Variants in AIG1 observed in about 807,000 individuals in gnomAD.
AIG1 encodes androgen-induced gene 1 protein.
In AIG1, 23 loss-of-function variants were observed where a neutral mutation model predicts 31.4. That is an observed-to-expected ratio of 0.73 (90% confidence interval 0.53 to 1.04). The LOEUF (loss-of-function observed/expected upper bound fraction) is 1.04. Among genes scored for constraint, AIG1 ranks in the 50% least tolerant of loss-of-function variants. The probability of loss-of-function intolerance (pLI) is 0.00; values close to 1 mark genes in which losing one functional copy is unlikely to be tolerated. For missense variants in AIG1, 274 were observed against 295.0 expected, an observed-to-expected ratio of 0.93 and a Z score of 0.52; for synonymous variants, 100 against 110.5, an observed-to-expected ratio of 0.90 and a Z score of 0.60.
chr6:143,184,626 A>G (rs1789059949), intron 3 of AIG1, among the ~76,000 whole-genome samples: 2 of 152,114 alleles, frequency 1.3e-5, no homozygotes, highest in South Asian at 4.1e-4. Flanking sequence ...CAGCTTCCTC[A>G]TGTCCACCAT....
At chr6:143,236,929 C>A (rs151161146) in intron 3 of AIG1, among the ~76,000 whole-genome samples, 22 of 152,236 alleles carry the variant, frequency 1.4e-4, no homozygotes, top group African/African-American at 5.3e-4. Flanking sequence ...GTTTTATGTT[C>A]ATGATTCCAT....
chr6:143,320,510 A>G (rs1776121510), intron 4 of AIG1, among the ~76,000 whole-genome samples: 1 of 152,246 alleles, frequency 6.6e-6, no homozygotes. Flanking sequence ...ATAGAATGGA[A>G]TGTTATTCAG....
intron 3 of AIG1, among the ~76,000 whole-genome samples, chr6:143,271,899 TG>T (rs1389547075): frequency 6.6e-6 from 1 of 152,216 alleles, no homozygotes; most frequent in African/African-American, 2.4e-5. Flanking sequence ...AAATTGCAAG[TG>T]TTTTTTTCTC....
chr6:143,320,577 C>T (rs1776124836), intron 4 of AIG1, among the ~76,000 whole-genome samples: 1 of 152,076 alleles, frequency 6.6e-6, no homozygotes, highest in Admixed American at 6.6e-5. Flanking sequence ...GCCGAAATGA[C>T]ATTATTCTGA....
intron 2 of AIG1, among the ~76,000 whole-genome samples, chr6:143,160,656 G>T (rs553158716): frequency 6.6e-6 from 1 of 152,222 alleles, no homozygotes; most frequent in Non-Finnish European, 1.5e-5. Context: ...CTGTCCAAGA[G>T]AAACTATTTT....
chr6:143,111,313 G>T (rs1562386720), intron 1 of AIG1, among the ~76,000 whole-genome samples: 1 of 152,090 alleles, frequency 6.6e-6, no homozygotes, highest in Non-Finnish European at 1.5e-5. Flanking sequence ...CCTCATAATT[G>T]CCAGATTCAG....
At chr6:143,108,636 C>T (rs1439908659) in intron 1 of AIG1, among the ~76,000 whole-genome samples, 5 of 152,104 alleles carry the variant, frequency 3.3e-5, no homozygotes, top group Admixed American at 2.6e-4. Flanking sequence ...CGCCAGTTTT[C>T]AACAGACACA....
chr6:143,247,987 G>C (rs1794732526), intron 3 of AIG1, among the ~76,000 whole-genome samples: 2 of 152,172 alleles, frequency 1.3e-5, no homozygotes, highest in Non-Finnish European at 2.9e-5. Context: ...TCTCATGGAT[G>C]AAGTACTAAT....
At chr6:143,252,876 A>G (rs73594139) in intron 3 of AIG1, among the ~76,000 whole-genome samples, 7,875 of 152,236 alleles carry the variant, frequency 0.052, 509 homozygotes, top group African/African-American at 0.15. Context: ...ATCTGCTTCC[A>G]AGTGCACATG....
intron 3 of AIG1, among the ~76,000 whole-genome samples, chr6:143,259,967 T>C (rs1468431781): frequency 6.6e-6 from 1 of 151,904 alleles, no homozygotes; most frequent in African/African-American, 2.4e-5. Context: ...CAAAGCTGCA[T>C]TGGAGAAGGG....
chr6:143,072,889 A>G (rs1272441548), intron 1 of AIG1, among the ~76,000 whole-genome samples: 2 of 152,198 alleles, frequency 1.3e-5, no homozygotes, highest in African/African-American at 4.8e-5. Context: ...AAGAGCCACT[A>G]AAAGCCACTT....
At chr6:143,097,110 A>G (rs1779864277) in intron 1 of AIG1, among the ~76,000 whole-genome samples, 1 of 152,162 alleles carries the variant, frequency 6.6e-6, no homozygotes, top group Non-Finnish European at 1.5e-5. Flanking sequence ...TAGAAAGGGA[A>G]TAGCCCTGTA....
At chr6:143,104,844 T>C (rs950952612) in intron 1 of AIG1, among the ~76,000 whole-genome samples, 1 of 151,544 alleles carries the variant, frequency 6.6e-6, no homozygotes, top group African/African-American at 2.4e-5. Context: ...TTCAAGACTT[T>C]GATGTGATGC....
chr6:143,220,356 T>G (rs1318777065), intron 3 of AIG1, among the ~76,000 whole-genome samples: 1 of 152,208 alleles, frequency 6.6e-6, no homozygotes, highest in South Asian at 2.1e-4. Flanking sequence ...TGTGAACCCA[T>G]AGAGAAGAGA....
In AIG1 at chr6:143,301,368, G is replaced by T. The variant is rs115581695; in HGVS notation, c.515+17143G>T. Among the ~76,000 whole-genome samples the T allele has an allele frequency of 4.1e-3, 628 of 152,292 alleles. 8 individuals carry two copies. The highest frequency in any genetic ancestry group is 0.015 in the African/African-American group (607 of 41,552). On this transcript the variant is annotated intron_variant, in intron 4 of 5. Coordinates refer to ENST00000357847, the MANE Select transcript of AIG1 (RefSeq NM_016108.4). ...CAAAGGCCATCAGGTAGGTTTCCAT[G>T]GTAGCAGTCTTTCTTTTGTTATTCA...
At chr6:143,272,941 C>T (rs1194194260) in intron 3 of AIG1, among the ~76,000 whole-genome samples, 5 of 152,230 alleles carry the variant, frequency 3.3e-5, no homozygotes, top group South Asian at 2.1e-4. Flanking sequence ...CCAGCCTGGC[C>T]AACATGGTGA....
chr6:143,066,463 G>A (rs1340534918), intron 1 of AIG1, among the ~76,000 whole-genome samples: 4 of 152,138 alleles, frequency 2.6e-5, no homozygotes, highest in East Asian at 3.9e-4. Context: ...AGTAGAGACA[G>A]GGTTTTACTA....
intron 3 of AIG1, among the ~76,000 whole-genome samples, chr6:143,252,982 A>G (rs1034657077): frequency 2.6e-5 from 4 of 152,176 alleles, no homozygotes; most frequent in African/African-American, 7.2e-5. Flanking sequence ...AGTTCTTGCT[A>G]TGTCGGCCTC....
intron 3 of AIG1, among the ~76,000 whole-genome samples, chr6:143,246,971 GC>G (rs1794663645): frequency 6.6e-6 from 1 of 152,192 alleles, no homozygotes; most frequent in African/African-American, 2.4e-5. Context: ...AATAATGTCA[GC>G]CAAGGGAAGA....
Sources: gnomAD v4.1 joint callset for allele counts (sites outside exome capture counted in the v4.1 genomes callset) on GRCh38, gnomAD v4.1.1 for gene constraint, MANE v1.5 for transcripts, NCBI Gene and HGNC (gene_info 2026-07-23, HGNC 2026-07-21) for gene names.